DIAPH3: variants seen among roughly 807,000 people sequenced by gnomAD.
The protein encoded by DIAPH3 is protein diaphanous homolog 3.
In DIAPH3, 117 loss-of-function variants were observed where a neutral mutation model predicts 144.3. That is an observed-to-expected ratio of 0.81 (90% CI 0.70 to 0.95). The LOEUF is 0.95. DIAPH3 is among the 40% of genes least tolerant of loss of function. The pLI, the probability that DIAPH3 is intolerant of heterozygous loss-of-function variation, is 0.00. For synonymous variants in DIAPH3, 519 were observed against 488.9 expected, an observed-to-expected ratio of 1.06 and a Z score of -0.81; for missense variants, 1,421 against 1,412.7, an observed-to-expected ratio of 1.01 and a Z score of -0.09.
At chr13:59,777,639 G>A (rs2038492601) in intron 25 of DIAPH3, among the ~76,000 whole-genome samples, 2 of 152,154 alleles carry the variant, frequency 1.3e-5, no homozygotes, top group Admixed American at 6.5e-5. Context: ...GCCTCCTGAA[G>A]TGATGCACAA....
At chr13:59,729,486 G>T (rs932838657) in intron 27 of DIAPH3, among the ~76,000 whole-genome samples, 38 of 152,154 alleles carry the variant, frequency 2.5e-4, no homozygotes, top group African/African-American at 9.2e-4. Flanking sequence ...GGAGGTGGGG[G>T]TGGAGCATGG....
chr13:59,995,272 G>A (rs1472120089), intron 9 of DIAPH3, among the ~76,000 whole-genome samples: 1 of 151,830 alleles, frequency 6.6e-6, no homozygotes, highest in Non-Finnish European at 1.5e-5. Flanking sequence ...CCAAAAGTGA[G>A]ATGTTCGTCA....
intron 3 of DIAPH3, among the ~76,000 whole-genome samples, chr13:60,101,789 A>G (rs370161987): frequency 6.6e-6 from 1 of 151,914 alleles, no homozygotes; most frequent in African/African-American, 2.4e-5. Context: ...TCTGACCTCA[A>G]TCTTCCATCT....
chr13:59,859,353 A>G (rs549669434), intron 22 of DIAPH3, among the ~76,000 whole-genome samples: 28 of 152,276 alleles, frequency 1.8e-4, no homozygotes, highest in African/African-American at 6.5e-4. Context: ...AAAAACAACA[A>G]AAAGAAAAAT....
chr13:59,894,344 A>AT (rs796093043), intron 20 of DIAPH3, among the ~76,000 whole-genome samples: 108 of 152,212 alleles, frequency 7.1e-4, no homozygotes, highest in African/African-American at 2.6e-3. Flanking sequence ...GCTCGTGGGC[A>AT]TAAAAAAAAT....
At chr13:59,960,993 CAGAATA>C (rs1447997646) in intron 17 of DIAPH3, among the ~76,000 whole-genome samples, 2 of 152,086 alleles carry the variant, frequency 1.3e-5, no homozygotes. Flanking sequence ...ACTAGATATA[CAGAATA>C]ATCTATTATT....
At chr13:59,736,561 G>A (rs547795921) in intron 27 of DIAPH3, among the ~76,000 whole-genome samples, 7 of 152,122 alleles carry the variant, frequency 4.6e-5, no homozygotes, top group Non-Finnish European at 1.0e-4. Context: ...CTTTTGAGAA[G>A]TGTCATTAAA....
At chr13:59,680,553 TC>T (rs1416280165) in intron 27 of DIAPH3, among the ~76,000 whole-genome samples, 15 of 151,280 alleles carry the variant, frequency 9.9e-5, no homozygotes, top group African/African-American at 3.7e-4. Flanking sequence ...TAAGAAGACT[TC>T]TTTCCTTAGT....
chr13:60,162,543 CT>C (rs2138497860), intron 1 of DIAPH3, among the ~76,000 whole-genome samples: 1 of 152,212 alleles, frequency 6.6e-6, no homozygotes, highest in South Asian at 2.1e-4. Context: ...CATTTTGATA[CT>C]TAATTTGGCA....
intron 25 of DIAPH3, among the ~76,000 whole-genome samples, chr13:59,791,971 A>G (rs1299009313): frequency 3.3e-5 from 5 of 152,184 alleles, no homozygotes; most frequent in African/African-American, 9.6e-5. Flanking sequence ...AGGCAGCTAA[A>G]CCACCATCAC....
At chr13:59,961,457 C>T (rs1378210783) in intron 17 of DIAPH3, among the ~76,000 whole-genome samples, 1 of 152,146 alleles carries the variant, frequency 6.6e-6, no homozygotes, top group African/African-American at 2.4e-5. Context: ...TTAGTATTTA[C>T]AGCTCAAATA....
chr13:60,160,116 C>T (rs888733941), intron 1 of DIAPH3, among the ~76,000 whole-genome samples: 1 of 151,748 alleles, frequency 6.6e-6, no homozygotes, highest in Non-Finnish European at 1.5e-5. Flanking sequence ...CCCAACTACT[C>T]GGGAGGCTGA....
chr13:60,045,837 T>C (rs2056032614), intron 4 of DIAPH3, among the ~76,000 whole-genome samples: 1 of 152,208 alleles, frequency 6.6e-6, no homozygotes, highest in Non-Finnish European at 1.5e-5. Flanking sequence ...ACTTTTTAAG[T>C]ATGAGAATAA....
chr13:60,122,363 A>G (rs749199525), intron 2 of DIAPH3, among the ~76,000 whole-genome samples: 23 of 152,208 alleles, frequency 1.5e-4, no homozygotes, highest in Non-Finnish European at 2.5e-4. Context: ...TGATTCCTCA[A>G]GACTGAGTTA....
intron 17 of DIAPH3, among the ~76,000 whole-genome samples, chr13:59,941,324 G>A (rs766259293): frequency 1.1e-4 from 16 of 152,256 alleles, no homozygotes; most frequent in Middle Eastern, 3.4e-3. Flanking sequence ...CCCTTCCTGG[G>A]CCAAGAGAGA....
In DIAPH3 at chr13:60,066,384, C is replaced by T. The variant is rs545081051; in HGVS notation, c.496-23564G>A. ...ATTAATTTGTATAGTCACCATATCA[C>T]AGGTCATGATTCATACTTAAATACA... On this transcript the variant is annotated intron_variant, in intron 4 of 27. Coordinates refer to ENST00000400324, the MANE Select transcript of DIAPH3 (RefSeq NM_001042517.2). Among the ~76,000 whole-genome samples, 3 of 152,246 alleles carry T rather than the reference C, an allele frequency of 2.0e-5. No homozygotes were observed. The South Asian group carries it at 6.2e-4, about 32-fold the overall frequency.
chr13:59,972,218 A>G (rs1041333377), intron 15 of DIAPH3, among the ~76,000 whole-genome samples: 1 of 152,146 alleles, frequency 6.6e-6, no homozygotes. Context: ...GCACCACCTA[A>G]AAGACTGCTT....
At chr13:59,948,725 C>T (rs2048927808) in intron 17 of DIAPH3, among the ~76,000 whole-genome samples, 1 of 152,128 alleles carries the variant, frequency 6.6e-6, no homozygotes, top group Admixed American at 6.6e-5. Flanking sequence ...CCTCCCAAAG[C>T]ACTGGGGTTG....
At chr13:60,102,454 T>A (rs2058298407) in intron 3 of DIAPH3, among the ~76,000 whole-genome samples, 1 of 152,136 alleles carries the variant, frequency 6.6e-6, no homozygotes, top group South Asian at 2.1e-4. Flanking sequence ...ATAAAGAAGA[T>A]GTCAGAAAAG....
Sources: allele counts gnomAD v4.1 joint callset (sites outside exome capture counted in the v4.1 genomes callset), GRCh38; gene constraint gnomAD v4.1.1; transcripts MANE v1.5; gene names NCBI Gene and HGNC (gene_info 2026-07-23, HGNC 2026-07-21).